SNED1: variants seen among roughly 807,000 people sequenced by gnomAD.
SNED1 encodes sushi, nidogen and EGF like domains 1.
In SNED1, 81 loss-of-function variants were observed where a neutral mutation model predicts 166.7. The ratio of observed to expected loss-of-function variants is 0.49; its 90% CI spans 0.41 to 0.58. The LOEUF (loss-of-function observed/expected upper bound fraction) is 0.58, where lower values mean the gene tolerates loss of function less well. Ranked by LOEUF, SNED1 falls within the 20% of genes least tolerant of loss-of-function variation. The pLI is 0.00. For synonymous variants in SNED1, 762 were observed against 822.0 expected, an observed-to-expected ratio of 0.93 and a Z score of 1.25; for missense variants, 1,604 against 2,000.2, an observed-to-expected ratio of 0.80 and a Z score of 3.78.
chr2:241,032,218 C>T (rs1015913392), intron 2 of SNED1, among the ~76,000 whole-genome samples: 7 of 152,020 alleles, frequency 4.6e-5, no homozygotes, highest in African/African-American at 7.3e-5. Context: ...GGTGTGATGG[C>T]GGGTGCCTGT....
Position 241,053,439 on chromosome 2 carries a change from T to C in SNED1, c.2257+113T>C, listed in dbSNP as rs548252292. 1.8e-5 allele frequency: 20 copies of C among 1,089,316 alleles called. No individual in the cohort carries two copies. The South Asian group carries it at 2.0e-4, about 11-fold the overall frequency. The allele number at this position is 1,089,316 out of a possible 1,614,324, so 67.5% of individuals were successfully genotyped here. A position where few individuals can be genotyped will look rare whatever the true frequency, so the allele number is the denominator to read the frequency against. On this transcript the variant is annotated intron_variant, in intron 16 of 31. Coordinates refer to ENST00000310397, the MANE Select transcript of SNED1 (RefSeq NM_001080437.3). Reference sequence around the variant, plus strand: ...CAAGCCTGGATGCCCAGCTCTGACCTGGTCCTGCCCCTGCTCCCCTCAGTC... The same window carrying C: ...CAAGCCTGGATGCCCAGCTCTGACCCGGTCCTGCCCCTGCTCCCCTCAGTC...
intron 24 of SNED1, among the ~76,000 whole-genome samples, chr2:241,070,743 G>C (rs962208727): frequency 6.6e-6 from 1 of 152,236 alleles, no homozygotes; most frequent in Non-Finnish European, 1.5e-5. Context: ...GGCTCCACCA[G>C]GGTCCCGAAC....
intron 1 of SNED1, chr2:241,010,576 A>T (rs943846963): frequency 2.6e-5 from 4 of 152,344 alleles, no homozygotes; most frequent in African/African-American, 7.2e-5. Context: ...CCAGCAGCCC[A>T]AGAATCTCAG....
chr2:241,025,395 T>A (rs2060928291), intron 1 of SNED1, among the ~76,000 whole-genome samples: 1 of 152,164 alleles, frequency 6.6e-6, no homozygotes, highest in South Asian at 2.1e-4. Context: ...GATATACACT[T>A]TTAACTTATT....
chr2:241,088,414 C>A lies in SNED1; in HGVS notation c.*1+12C>A. Reference sequence around the variant, plus strand: ...GGAGAAATCTTAAGGTACGTCCCTGCTGCTCCCGCCCCACTACCACAGAGC... The same window carrying A: ...GGAGAAATCTTAAGGTACGTCCCTGATGCTCCCGCCCCACTACCACAGAGC... On this transcript the variant is annotated intron_variant, in intron 31 of 31. Coordinates refer to ENST00000310397, the MANE Select transcript of SNED1 (RefSeq NM_001080437.3). The A allele has an allele frequency of 6.2e-7, 1 of 1,607,032 alleles. No individual in the cohort carries two copies. The highest frequency in any genetic ancestry group is 8.5e-7 in the Non-Finnish European group (1 of 1,173,732).
Position 241,051,313 on chromosome 2 carries a change from A to G in SNED1, c.1736-431A>G, listed in dbSNP as rs767208467. On this transcript the variant is annotated intron_variant, in intron 12 of 31. Transcript: ENST00000310397. The surrounding 1 kb of genome is among the most constrained non-coding windows in gnomAD (Gnocchi z 4.7). ...ACCCAGGGAAAATGTGGCAATGCCAATGCAGGTACAGAACACACAGAAATC... is the reference window on the plus strand; with the variant it reads ...ACCCAGGGAAAATGTGGCAATGCCAGTGCAGGTACAGAACACACAGAAATC... The G allele has an allele frequency of 6.1e-6, 1 of 164,462 alleles. No homozygotes were observed. Among genetic ancestry groups the G allele is most frequent in the Non-Finnish European group, 1.3e-5 (1 of 76,694 alleles). The allele number at this position is 164,462 out of a possible 1,614,324, so 10.2% of individuals were successfully genotyped here. A position where few individuals can be genotyped will look rare whatever the true frequency, so the allele number is the denominator to read the frequency against.
chr2:241,027,931 C>T (rs1255732746), intron 1 of SNED1, among the ~76,000 whole-genome samples: 3 of 152,106 alleles, frequency 2.0e-5, no homozygotes, highest in African/African-American at 7.2e-5. Context: ...GACAGGGTTT[C>T]ACCATGTTAG....
chr2:241,081,558 C>A, intron 27 of SNED1, 119 bp from the exon 28 acceptor site: 1 of 748,818 alleles, frequency 1.3e-6, no homozygotes, highest in East Asian at 2.7e-5. Context: ...CCGCAGCACA[C>A]CACAGAGGAG....
rs376890393 is a variant in SNED1, at chr2:241,082,363, G to T, written c.4120G>T (p.Val1374Leu). Residue 1374 changes from valine to leucine, a missense_variant and splice_region_variant, in exon 29 of 32, where the codon GTG (valine) becomes TTG (leucine). By Grantham distance (32) the Val-to-Leu change is conservative (BLOSUM62 1). Around this residue, in one of 2 missense-constraint regions of SNED1, gnomAD observed 367 missense variants for 379.4 expected, o/e 0.97. Coordinates refer to ENST00000310397, the MANE Select transcript of SNED1 (RefSeq NM_001080437.3). ...CTGGGAGGGAGGCGTCTGTCACCAC[G>T]TGTAAGTTGGTTTCTGTCCTCCGCC... is the stretch of plus-strand genomic sequence containing the variant. ...PVWEGGVCHH[V>L]YKRVYRVHQD... The T allele has an allele frequency of 1.9e-6, 3 of 1,612,024 alleles. No individual in the cohort carries two copies. Among genetic ancestry groups the T allele is most frequent in the Non-Finnish European group, 2.5e-6 (3 of 1,178,362 alleles).
At chr2:241,088,959 CA>C in intron 31 of SNED1, 1 of 238,556 alleles carries the variant, frequency 4.2e-6, no homozygotes. Flanking sequence ...TCGTCACTGA[CA>C]CTGGGCTCAT....
At chr2:241,005,498 C>T (rs1353783572) in intron 1 of SNED1, among the ~76,000 whole-genome samples, 1 of 152,146 alleles carries the variant, frequency 6.6e-6, no homozygotes, top group Non-Finnish European at 1.5e-5. Context: ...GCCACCATGC[C>T]TGGCCCAGAT....
At chr2:241,036,720 G>A (rs1427485096) in intron 4 of SNED1, 70 bp from the exon 5 acceptor site, 25 of 1,584,022 alleles carry the variant, frequency 1.6e-5, no homozygotes, top group Non-Finnish European at 2.0e-5. Context: ...AGGGAGATGC[G>A]GATGGGAGTG....
In SNED1 at chr2:241,073,232, C is replaced by A; in HGVS notation, c.3818-34C>A. 1 of 1,495,370 alleles carries A rather than the reference C, an allele frequency of 6.7e-7. No individual in the cohort carries two copies. Among genetic ancestry groups the A allele is most frequent in the Non-Finnish European group, 9.1e-7 (1 of 1,097,186 alleles). The allele number at this position is 1,495,370 out of a possible 1,614,324, so 92.6% of individuals were successfully genotyped here. A position where few individuals can be genotyped will look rare whatever the true frequency, so the allele number is the denominator to read the frequency against. ...CAGGACCATCCCGGGTGCAAAGCAG[C>A]TGCGCCGTGTGGTCACCGCCTGGCT... On this transcript the variant is annotated intron_variant, in intron 26 of 31. Coordinates refer to ENST00000310397, the MANE Select transcript of SNED1 (RefSeq NM_001080437.3). The surrounding 1 kb of genome is among the most constrained non-coding windows in gnomAD (Gnocchi z 6.6).
At chr2:241,061,057 C>T (rs2062215282) in intron 16 of SNED1, among the ~76,000 whole-genome samples, 1 of 152,096 alleles carries the variant, frequency 6.6e-6, no homozygotes, top group African/African-American at 2.4e-5. Context: ...GATGAACATA[C>T]TTGACCATAT....
intron 16 of SNED1, among the ~76,000 whole-genome samples, chr2:241,056,640 G>GCACGAT (rs2062049595): frequency 6.8e-6 from 1 of 146,204 alleles, no homozygotes; most frequent in South Asian, 2.1e-4. Context: ...GAGTGCAGTG[G>GCACGAT]CACGATCTCG....
Position 241,087,448 on chromosome 2 carries a change from G to A in SNED1, c.4178G>A (p.Ser1393Asn), listed in dbSNP as rs1169788978. The stretch of plus-strand genomic sequence containing the variant: ...ATCTGCTTCAAAGAGAGCTGTGAAA[G>A]CACAAGCCTCAAGAAGACCCCAAAC... Reference protein sequence around the residue: ...QDICFKESCESTSLKKTPNRK... With the variant: ...QDICFKESCENTSLKKTPNRK... Residue 1393 changes from serine (S) to asparagine (N), a missense_variant, in exon 30 of 32, where the codon AGC becomes AAC. Transcript: ENST00000310397. 3 of 1,603,118 alleles carry A rather than the reference G, an allele frequency of 1.9e-6. No homozygotes were observed. Among genetic ancestry groups the A allele is most frequent in the Non-Finnish European group, 2.6e-6 (3 of 1,174,964 alleles).
At chr2:241,067,232 C>T (rs948271539) in intron 21 of SNED1, among the ~76,000 whole-genome samples, 2 of 152,236 alleles carry the variant, frequency 1.3e-5, no homozygotes, top group Non-Finnish European at 2.9e-5. Flanking sequence ...CCTCTGGGCT[C>T]TGCCTGGTGC....
At position 241,004,117 on chromosome 2, in the gene SNED1, T is replaced by C. The variant is rs112275345; in HGVS notation, c.213+5067T>C. Among the ~76,000 whole-genome samples, 1,488 of 152,184 alleles carry C rather than the reference T, an allele frequency of 9.8e-3. 22 individuals are homozygous for C. The highest frequency in any genetic ancestry group is 0.034 in the African/African-American group (1,402 of 41,506). On this transcript the variant is annotated intron_variant, in intron 1 of 31. Transcript: ENST00000310397. ...GGCCTCTGCTTGAGGCACAAAATGA[T>C]CCCCACATCCCACCAGGGGAGCCAT...
intron 1 of SNED1, among the ~76,000 whole-genome samples, chr2:241,016,809 T>C (rs897911512): frequency 6.6e-5 from 10 of 152,184 alleles, no homozygotes; most frequent in South Asian, 2.1e-4. Flanking sequence ...TTGCATTTTC[T>C]ATTTCCACTT....
Sources: allele counts gnomAD v4.1 joint callset (sites outside exome capture counted in the v4.1 genomes callset), GRCh38; gene constraint gnomAD v4.1.1; regional missense constraint gnomAD v4.1.1; non-coding constraint Gnocchi (gnomAD v3.1); transcripts MANE v1.5; gene names NCBI Gene and HGNC (gene_info 2026-07-23, HGNC 2026-07-21).